Variants in ZNF536 observed in about 807,000 individuals in gnomAD.
The protein encoded by ZNF536 is zinc finger protein 536.
Under a neutral mutation model 84.5 loss-of-function variants are expected in ZNF536, and 13 were observed. The ratio of observed to expected loss-of-function variants is 0.15; its 90% CI spans 0.10 to 0.24. The LOEUF (loss-of-function observed/expected upper bound fraction) is 0.24, where lower values mean the gene tolerates loss of function less well. Ranked by LOEUF, ZNF536 falls within the 10% of genes least tolerant of loss-of-function variation. The pLI, the probability that ZNF536 is intolerant of heterozygous loss-of-function variation, is 1.00. For missense variants in ZNF536, 1,536 were observed against 1,747.5 expected (o/e 0.88, Z 2.16); for synonymous variants, 811 against 742.5 (o/e 1.09, Z -1.50).
chr19:30,456,417 G>A (rs1306112468), intron 2 of ZNF536, among the ~76,000 whole-genome samples: 8 of 150,190 alleles, frequency 5.3e-5, no homozygotes, highest in African/African-American at 1.7e-4. Flanking sequence ...ATTTCCTTAG[G>A]TGTGTTGCCT....
intron 1 of ZNF536, among the ~76,000 whole-genome samples, chr19:30,666,414 C>A (rs977139690): frequency 6.6e-6 from 1 of 152,188 alleles, no homozygotes; most frequent in African/African-American, 2.4e-5. Flanking sequence ...CCCTTCCACT[C>A]CCTCCTCTCT....
intron 1 of ZNF536, among the ~76,000 whole-genome samples, chr19:30,658,018 TCC>T (rs10607359): frequency 0.022 from 3,215 of 147,960 alleles, 124 homozygotes; most frequent in African/African-American, 0.075. Flanking sequence ...GGCTTTCCAT[TCC>T]CCCCCCCCTT....
intron 1 of ZNF536, among the ~76,000 whole-genome samples, chr19:30,565,944 A>G (rs1338436843): frequency 6.6e-6 from 1 of 152,212 alleles, no homozygotes; most frequent in Non-Finnish European, 1.5e-5. Flanking sequence ...CAGTGTCATC[A>G]ACCGCATCAC....
intron 2 of ZNF536, among the ~76,000 whole-genome samples, chr19:30,448,355 A>G (rs1222845307): frequency 6.6e-6 from 1 of 152,226 alleles, no homozygotes; most frequent in Non-Finnish European, 1.5e-5. Context: ...CTTGTATAGA[A>G]GTGCGATTAA....
intron 2 of ZNF536, among the ~76,000 whole-genome samples, chr19:30,506,172 A>T (rs2055168533): frequency 6.6e-6 from 1 of 152,174 alleles, no homozygotes; most frequent in Admixed American, 6.5e-5. Context: ...TTTATATTTC[A>T]TGATGTATTT....
chr19:30,708,171 C>T (rs530838252), intron 1 of ZNF536, among the ~76,000 whole-genome samples: 33 of 137,150 alleles, frequency 2.4e-4, no homozygotes, highest in Non-Finnish European at 4.2e-4. Context: ...CAGGAATTCA[C>T]GGCCTTTTTG....
At chr19:30,664,203 TTTCTCTCTC>T (rs2050222388) in intron 1 of ZNF536, among the ~76,000 whole-genome samples, 1 of 88,708 alleles carries the variant, frequency 1.1e-5, no homozygotes, top group Non-Finnish European at 2.0e-5. Context: ...CTTGCTGAGT[TTTCTCTCTC>T]TCTCTCTCTC....
intron 2 of ZNF536, among the ~76,000 whole-genome samples, chr19:30,502,413 A>G (rs1473876121): frequency 6.6e-6 from 1 of 151,920 alleles, no homozygotes; most frequent in Non-Finnish European, 1.5e-5. Context: ...GGTGGGATTG[A>G]GGTGACCAGG....
intron 2 of ZNF536, among the ~76,000 whole-genome samples, chr19:30,289,240 C>G (rs1293666705): frequency 1.3e-5 from 2 of 152,180 alleles, no homozygotes; most frequent in African/African-American, 4.8e-5. Flanking sequence ...CTGTTTTCCA[C>G]CATGGCCCGG....
At chr19:30,660,829 A>G (rs570026757) in intron 1 of ZNF536, among the ~76,000 whole-genome samples, 2 of 152,372 alleles carry the variant, frequency 1.3e-5, no homozygotes, top group African/African-American at 4.8e-5. Flanking sequence ...TGAGGAGGTC[A>G]CAATGGTGAT....
At chr19:30,383,673 TTC>T (rs879786491) in intron 1 of ZNF536, among the ~76,000 whole-genome samples, 6,067 of 20,152 alleles carry the variant, frequency 0.3, 562 homozygotes, top group Admixed American at 0.36. Flanking sequence ...TCTTTCTTTC[TTC>T]CTTTCTTCCT....
At chr19:30,241,003 G>A (rs1252756080) in intron 1 of ZNF536, among the ~76,000 whole-genome samples, 1 of 152,172 alleles carries the variant, frequency 6.6e-6, no homozygotes, top group Non-Finnish European at 1.5e-5. Context: ...TTCCATTCTG[G>A]TGGGAGGGAA....
At chr19:30,560,770 C>G (rs2046134856), downstream of ZNF536, among the ~76,000 whole-genome samples, 1 of 152,188 alleles carries the variant, frequency 6.6e-6, no homozygotes, top group Non-Finnish European at 1.5e-5. Context: ...GAAAAAGAAT[C>G]TAAATGTTGG....
intron 2 of ZNF536, among the ~76,000 whole-genome samples, chr19:30,320,026 C>T (rs1020243943): frequency 4.6e-5 from 7 of 152,088 alleles, no homozygotes; most frequent in African/African-American, 1.7e-4. Flanking sequence ...ATTTTTTCAT[C>T]CTTTTGCCAT....
intron 2 of ZNF536, among the ~76,000 whole-genome samples, chr19:30,447,969 A>G (rs1568442206): frequency 6.6e-6 from 1 of 152,200 alleles, no homozygotes; most frequent in Non-Finnish European, 1.5e-5. Context: ...TGATAGCCTC[A>G]TGCTATTCCT....
intron 2 of ZNF536, among the ~76,000 whole-genome samples, chr19:30,532,742 C>T (rs2044893610): frequency 1.3e-5 from 2 of 152,174 alleles, no homozygotes; most frequent in South Asian, 4.1e-4. Flanking sequence ...CTGTCTAAAG[C>T]TAGGGTATGT....
chr19:30,420,144 T>C (rs2050893324), intron 1 of ZNF536, among the ~76,000 whole-genome samples: 1 of 152,222 alleles, frequency 6.6e-6, no homozygotes, highest in African/African-American at 2.4e-5. Context: ...AGAATCTGGC[T>C]TAACTCTTTT....
At chr19:30,658,075 T>G (rs1433810245) in intron 1 of ZNF536, among the ~76,000 whole-genome samples, 9 of 147,842 alleles carry the variant, frequency 6.1e-5, no homozygotes, top group Non-Finnish European at 1.2e-4. Flanking sequence ...CAGGCTGGAG[T>G]GCAGTGGCGC....
At chr19:30,431,992 C>CATATATATATATATATATATATAT (rs561025363) in intron 1 of ZNF536, among the ~76,000 whole-genome samples, 12 of 144,574 alleles carry the variant, frequency 8.3e-5, no homozygotes, top group South Asian at 2.3e-4. Context: ...TCATTAAAAG[C>CATATATATATATATATATATATAT]ATATATATAT....
Sources: allele counts gnomAD v4.1 joint callset (sites outside exome capture counted in the v4.1 genomes callset), GRCh38; gene constraint gnomAD v4.1.1; transcripts MANE v1.5; gene names NCBI Gene and HGNC (gene_info 2026-07-23, HGNC 2026-07-21).